The following CNTN5 variants were observed in gnomAD, a reference collection of about 807,000 sequenced individuals.
CNTN5 encodes contactin 5, also known as contactin-5.
In CNTN5, 77 loss-of-function variants were observed where a neutral mutation model predicts 129.1. The observed-to-expected ratio is 0.60, with a 90% CI of 0.50 to 0.72. The LOEUF is 0.72. Ranked by LOEUF, CNTN5 falls within the 30% of genes least tolerant of loss-of-function variation. The probability of loss-of-function intolerance (pLI) is 0.00; values close to 1 mark genes in which losing one functional copy is unlikely to be tolerated. For missense variants in CNTN5, 1,478 were observed against 1,328.8 expected (o/e 1.11, Z -1.75); for synonymous variants, 509 against 465.6 (o/e 1.09, Z -1.20).
chr11:100,302,137 A>G (rs1464600549), intron 20 of CNTN5, among the ~76,000 whole-genome samples: 1 of 151,736 alleles, frequency 6.6e-6, no homozygotes, highest in Non-Finnish European at 1.5e-5. Context: ...CTTTTGCTAT[A>G]CAATAAAAAG....
chr11:100,044,865 C>T (rs909258148), intron 9 of CNTN5, among the ~76,000 whole-genome samples: 1 of 152,002 alleles, frequency 6.6e-6, no homozygotes, highest in African/African-American at 2.4e-5. Flanking sequence ...ATACTGAGAA[C>T]TCAGAAAAGT....
chr11:99,653,864 G>T (rs1016077583), intron 3 of CNTN5, among the ~76,000 whole-genome samples: 2 of 151,728 alleles, frequency 1.3e-5, no homozygotes, highest in Non-Finnish European at 2.9e-5. Context: ...TTTTTTTAAT[G>T]ATTTCTACAA....
chr11:99,213,123 G>A (rs1453364107), intron 1 of CNTN5, among the ~76,000 whole-genome samples: 13 of 151,258 alleles, frequency 8.6e-5, no homozygotes, highest in East Asian at 7.8e-4. Flanking sequence ...CCCGGGAGGC[G>A]GAGCTTGCAG....
intron 2 of CNTN5, among the ~76,000 whole-genome samples, chr11:99,398,878 C>T (rs1348823611): frequency 6.6e-6 from 1 of 151,776 alleles, no homozygotes; most frequent in Non-Finnish European, 1.5e-5. Flanking sequence ...ATTTCCTTTG[C>T]CTTTTTTGCT....
At chr11:99,368,750 A>G (rs572861875) in intron 2 of CNTN5, among the ~76,000 whole-genome samples, 1 of 152,274 alleles carries the variant, frequency 6.6e-6, no homozygotes, top group South Asian at 2.1e-4. Context: ...TAAATTTCTT[A>G]CATGGGATTT....
intron 6 of CNTN5, among the ~76,000 whole-genome samples, chr11:99,855,230 G>A (rs182576380): frequency 1.3e-5 from 2 of 152,116 alleles, no homozygotes; most frequent in Admixed American, 6.5e-5. Flanking sequence ...GATCTGTTGA[G>A]CCCGGGAGTA....
intron 6 of CNTN5, among the ~76,000 whole-genome samples, chr11:99,904,271 G>A (rs751094124): frequency 1.7e-4 from 26 of 151,894 alleles, no homozygotes; most frequent in East Asian, 9.7e-4. Flanking sequence ...TAATGCTATC[G>A]CTCCCCTAGC....
chr11:99,960,913 G>A (rs1313218108), intron 8 of CNTN5, among the ~76,000 whole-genome samples: 1 of 152,006 alleles, frequency 6.6e-6, no homozygotes. Flanking sequence ...AGGAAAAACA[G>A]TAGAACAGGC....
intron 15 of CNTN5, among the ~76,000 whole-genome samples, chr11:100,222,269 C>T (rs1949280831): frequency 6.6e-6 from 1 of 152,104 alleles, no homozygotes; most frequent in South Asian, 2.1e-4. Context: ...GGTGATGTAA[C>T]TTTGGCCAGT....
At chr11:100,210,234 C>T (rs1949001580) in intron 15 of CNTN5, among the ~76,000 whole-genome samples, 1 of 150,434 alleles carries the variant, frequency 6.6e-6, no homozygotes, top group Admixed American at 6.6e-5. Flanking sequence ...TATCTGTAGT[C>T]CCAGCTACAA....
At chr11:99,409,223 G>A (rs1239694671) in intron 2 of CNTN5, among the ~76,000 whole-genome samples, 1 of 152,208 alleles carries the variant, frequency 6.6e-6, no homozygotes, top group African/African-American at 2.4e-5. Flanking sequence ...CCAGCACTTT[G>A]GGAGGCCATG....
At chr11:99,961,682 CA>C (rs1183209420) in intron 8 of CNTN5, among the ~76,000 whole-genome samples, 3 of 152,148 alleles carry the variant, frequency 2.0e-5, no homozygotes, top group East Asian at 3.9e-4. Flanking sequence ...TCGCTATATG[CA>C]AAAAGTCCAA....
rs1277022457 is a variant in CNTN5, at chr11:99,778,116, CTG to C, written c.56-41426_56-41425del. 7.9e-5 allele frequency among the ~76,000 whole-genome samples: 12 copies of C among 151,932 alleles called. No homozygotes were observed. The South Asian group carries it at 2.5e-3, about 31-fold the overall frequency. ...TTACCAGATGCACTGTTCACATCCT[CTG>C]TAGTGTTTAAGCCTTGTTCTCTATT... On this transcript the variant is annotated intron_variant, in intron 3 of 24. Transcript: ENST00000524871.
At position 99,523,643 on chromosome 11, in the gene CNTN5, ATAGAATAGAACAGAACAGAT is replaced by A. The variant is rs1432966552; in HGVS notation, c.-70-32501_-70-32482del. Among the ~76,000 whole-genome samples the A allele has an allele frequency of 8.2e-3, 435 of 53,074 alleles. 1 individual carries two copies. The highest frequency in any genetic ancestry group is 0.012 in the African/African-American group (162 of 14,070). The allele number at this position is 53,074 out of a possible 152,430, so 34.8% of individuals were successfully genotyped here. ...ATAGAATAGAATAGAATAGAATAGA[ATAGAATAGAACAGAACAGAT>A]CAGAACAGAACAGAACAGAACAGAA... is the stretch of plus-strand genomic sequence containing the variant. On this transcript the variant is annotated intron_variant, in intron 2 of 24. Coordinates refer to ENST00000524871, the MANE Select transcript of CNTN5 (RefSeq NM_014361.4).
chr11:100,208,296 T>G (rs1471549506), intron 15 of CNTN5, among the ~76,000 whole-genome samples: 1 of 151,956 alleles, frequency 6.6e-6, no homozygotes, highest in East Asian at 1.9e-4. Context: ...TCAGCCAGAG[T>G]ACATCTATGG....
intron 2 of CNTN5, among the ~76,000 whole-genome samples, chr11:99,359,881 A>G (rs1938981724): frequency 6.6e-6 from 1 of 152,118 alleles, no homozygotes; most frequent in Non-Finnish European, 1.5e-5. Context: ...GAAACCAAGT[A>G]TATATGAAAA....
chr11:99,580,074 T>C (rs1353532211), intron 3 of CNTN5, among the ~76,000 whole-genome samples: 5 of 152,164 alleles, frequency 3.3e-5, no homozygotes, highest in Non-Finnish European at 7.3e-5. Flanking sequence ...CTTTTCTGTA[T>C]CTATTGAGAT....
intron 4 of CNTN5, among the ~76,000 whole-genome samples, chr11:99,828,982 A>C (rs1467724764): frequency 6.6e-6 from 1 of 152,122 alleles, no homozygotes; most frequent in Non-Finnish European, 1.5e-5. Flanking sequence ...TTTATTATTT[A>C]TCATAGTAGT....
At chr11:99,431,626 G>T (rs1171710337) in intron 2 of CNTN5, among the ~76,000 whole-genome samples, 1 of 152,134 alleles carries the variant, frequency 6.6e-6, no homozygotes, top group Non-Finnish European at 1.5e-5. Flanking sequence ...TTTGTCATGG[G>T]TCAGGGTCAT....
Sources: allele counts gnomAD v4.1 joint callset (sites outside exome capture counted in the v4.1 genomes callset), GRCh38; gene constraint gnomAD v4.1.1; transcripts MANE v1.5; gene names NCBI Gene and HGNC (gene_info 2026-07-23, HGNC 2026-07-21).